The following CEBPZOS variants were observed in gnomAD, a reference collection of about 807,000 sequenced individuals.
The protein encoded by CEBPZOS is CEBPZ opposite strand.
In CEBPZOS, 10 loss-of-function variants were observed where a neutral mutation model predicts 4.8. The observed-to-expected ratio is 2.07, with a 90% confidence interval of 1.28 to 3.52. The LOEUF (loss-of-function observed/expected upper bound fraction) is 3.52. Among genes scored for constraint, CEBPZOS ranks in the 30% most tolerant of loss-of-function variants. CEBPZOS has a pLI of 0.00. For missense variants in CEBPZOS, 98 were observed against 43.6 expected (o/e 2.25, Z -3.51); for synonymous variants, 25 against 14.2 (o/e 1.77, Z -1.72).
intron 1 of CEBPZOS, 74 bp downstream of exon 1, chr2:37,196,594 C>G (rs895387284): frequency 3.3e-5 from 5 of 152,402 alleles, no homozygotes; most frequent in African/African-American, 1.2e-4. Flanking sequence ...GTGGGGCGGT[C>G]TTCTGCGTGG....
downstream of CEBPZOS, among the ~76,000 whole-genome samples, chr2:37,206,647 C>T (rs1443284797): frequency 6.6e-6 from 1 of 152,212 alleles, no homozygotes; most frequent in African/African-American, 2.4e-5. Context: ...TGAGCCACTA[C>T]ACTCAGCCTA....
At chr2:37,214,843 AT>A, downstream of CEBPZOS, 2 of 1,260,908 alleles carry the variant, frequency 1.6e-6, no homozygotes, top group Middle Eastern at 2.1e-4. Flanking sequence ...AAAAATTTAA[AT>A]TTTAGCAGTT....
At position 37,203,462 on chromosome 2, in the gene CEBPZOS, T is replaced by TA. The variant is rs60652580; in HGVS notation, c.*1612dup. On this transcript the variant is annotated 3_prime_UTR_variant, in exon 5 of 5. Coordinates refer to ENST00000402297, the MANE Select transcript of CEBPZOS (RefSeq NM_001322374.2). ...TATAACAGCGAAAAAGGTTCTCCTT[T>TA]AAAAAAAAAACTTATCTGTAGTACT... 1.6e-4 allele frequency: 24 copies of TA among 150,110 alleles called. No homozygotes were observed. The highest frequency in any genetic ancestry group is 7.8e-4 in the East Asian group (4 of 5,152). The allele number at this position is 150,110 out of a possible 1,614,324, so 9.3% of individuals were successfully genotyped here.
downstream of CEBPZOS, chr2:37,216,083 A>T: frequency 8.2e-7 from 1 of 1,213,472 alleles, no homozygotes; most frequent in Non-Finnish European, 1.2e-6. Flanking sequence ...AATACAATTT[A>T]TGCATCTTTG....
At chr2:37,210,899 A>T in intron 4 of CEBPZOS, 14 of 452,082 alleles carry the variant, frequency 3.1e-5, no homozygotes, top group Non-Finnish European at 2.8e-5. Context: ...CCCACCCCTG[A>T]ATTTTATTAA....
At chr2:37,211,954 C>A (rs1375249340) in intron 4 of CEBPZOS, 33 of 1,613,736 alleles carry the variant, frequency 2.0e-5, no homozygotes, top group Non-Finnish European at 2.6e-5. Context: ...TCATCGTCAT[C>A]CAGGTTACCA....
At chr2:37,206,231 G>A (rs1485840892), downstream of CEBPZOS, among the ~76,000 whole-genome samples, 1 of 152,230 alleles carries the variant, frequency 6.6e-6, no homozygotes, top group Non-Finnish European at 1.5e-5. Context: ...GTGGCAACGT[G>A]TTTAGTCTCC....
downstream of CEBPZOS, among the ~76,000 whole-genome samples, chr2:37,206,868 A>G (rs563166542): frequency 6.6e-6 from 1 of 152,302 alleles, no homozygotes; most frequent in African/African-American, 2.4e-5. Flanking sequence ...TAAAAGATAC[A>G]TTTGGACCAC....
Position 37,203,647 on chromosome 2 carries a change from G to C in CEBPZOS, c.*1787G>C, listed in dbSNP as rs938388806. On this transcript the variant is annotated 3_prime_UTR_variant, in exon 5 of 5. Coordinates refer to ENST00000402297, the MANE Select transcript of CEBPZOS (RefSeq NM_001322374.2). ...ATTAACGCATTTTGGTAAATTTACA[G>C]ACTTGTTCAACCACAACCACAGTCT... The C allele has an allele frequency of 2.6e-5, 4 of 152,152 alleles. No homozygotes were observed. The highest frequency in any genetic ancestry group is 4.4e-5 in the Non-Finnish European group (3 of 68,024). The allele number at this position is 152,152 out of a possible 1,614,324, so 9.4% of individuals were successfully genotyped here. A position where few individuals can be genotyped will look rare whatever the true frequency, so the allele number is the denominator to read the frequency against.
intron 4 of CEBPZOS, chr2:37,211,050 T>C: frequency 6.2e-7 from 1 of 1,612,346 alleles, no homozygotes; most frequent in Non-Finnish European, 8.5e-7. Context: ...CTCTTGCTTT[T>C]CTTAGTACTG....
intron 4 of CEBPZOS, chr2:37,209,850 T>G (rs993306739): frequency 2.7e-5 from 4 of 150,380 alleles, no homozygotes; most frequent in African/African-American, 9.7e-5. Flanking sequence ...AGACAACCCA[T>G]AGAGTGGGAG....
Position 37,202,829 on chromosome 2 carries a change from A to G in CEBPZOS, c.*969A>G, listed in dbSNP as rs1677340650. On this transcript the variant is annotated 3_prime_UTR_variant, in exon 5 of 5. Transcript: ENST00000402297. ...ATGGCATTCATGCCAATGTTATCAA[A>G]CTTGGATCCCATATTTTCATCCAAT... The G allele has an allele frequency of 6.2e-7, 1 of 1,602,156 alleles. No homozygotes were observed. Among genetic ancestry groups the G allele is most frequent in the Non-Finnish European group, 8.5e-7 (1 of 1,174,768 alleles).
chr2:37,204,998 T>C (rs1018499410), downstream of CEBPZOS, among the ~76,000 whole-genome samples: 8 of 152,214 alleles, frequency 5.3e-5, no homozygotes, highest in African/African-American at 1.9e-4. Flanking sequence ...GGGATGCTTT[T>C]GAGAAAAACT....
downstream of CEBPZOS, among the ~76,000 whole-genome samples, chr2:37,206,821 A>G (rs2148340450): frequency 6.6e-6 from 1 of 152,320 alleles, no homozygotes; most frequent in East Asian, 1.9e-4. Flanking sequence ...CACATCTCAA[A>G]TACTACGTTG....
intron 4 of CEBPZOS, chr2:37,211,932 C>G (rs780294911): frequency 1.5e-5 from 24 of 1,613,692 alleles, no homozygotes; most frequent in Non-Finnish European, 2.0e-5. Flanking sequence ...ATCCATACTT[C>G]CTAAAGAAAC....
At chr2:37,213,971 T>A, downstream of CEBPZOS, 1 of 1,393,120 alleles carries the variant, frequency 7.2e-7, no homozygotes, top group Non-Finnish European at 9.7e-7. Context: ...CCTATAATAT[T>A]CATGTTATAT....
At chr2:37,200,957 A>G (rs1250186077) in intron 2 of CEBPZOS, 91 bp from the exon 3 acceptor site, 4 of 680,434 alleles carry the variant, frequency 5.9e-6, no homozygotes, top group East Asian at 2.7e-5. Flanking sequence ...TTCCCATCAT[A>G]TGGACCCTAA....
intron 3 of CEBPZOS, 143 bp from the exon 4 acceptor site, chr2:37,201,499 A>G: frequency 1.7e-6 from 1 of 592,944 alleles, no homozygotes; most frequent in East Asian, 2.9e-5. Context: ...GCCAGGACTT[A>G]TATGTGAAGT....
downstream of CEBPZOS, among the ~76,000 whole-genome samples, chr2:37,214,313 C>G (rs1161920772): frequency 6.6e-6 from 1 of 151,994 alleles, no homozygotes; most frequent in South Asian, 2.1e-4. Flanking sequence ...AACCAGTCAA[C>G]CAGATGAGAT....
Sources: gnomAD v4.1 joint callset for allele counts (sites outside exome capture counted in the v4.1 genomes callset) on GRCh38, gnomAD v4.1.1 for gene constraint, MANE v1.5 for transcripts, NCBI Gene and HGNC (gene_info 2026-07-23, HGNC 2026-07-21) for gene names.